KIF1B: variants seen among roughly 807,000 people sequenced by gnomAD.
KIF1B encodes the protein kinesin-like protein KIF1B.
KIF1B carries 76 observed loss-of-function variants against 241.9 expected under a neutral mutation model. The ratio of observed to expected loss-of-function variants is 0.31; its 90% CI spans 0.26 to 0.38. The LOEUF is 0.38. Among genes scored for constraint, KIF1B ranks in the 10% least tolerant of loss-of-function variants. The pLI is 1.00. For synonymous variants in KIF1B, 750 were observed against 796.7 expected (o/e 0.94, Z 0.99); for missense variants, 1,622 against 2,271.4 (o/e 0.71, Z 5.81).
chr1:10,352,841 T>A, intron 38 of KIF1B, 105 bp downstream of exon 38: 1 of 790,820 alleles, frequency 1.3e-6, no homozygotes, highest in African/African-American at 1.7e-5. Flanking sequence ...ACAAAGAAAT[T>A]AACTCCCTTC....
intron 1 of KIF1B, among the ~76,000 whole-genome samples, chr1:10,219,627 G>A (rs567088844): frequency 6.6e-6 from 1 of 151,510 alleles, no homozygotes; most frequent in South Asian, 2.1e-4. Flanking sequence ...GTGTGGTGGT[G>A]CATGCCTGTA....
Position 10,273,734 on chromosome 1 carries a change from A to C in KIF1B, c.882+703A>C, listed in dbSNP as rs1418969233. ...CAAAAAAAAAAAAAAAAAAAAAAAA[A>C]AAAAACCCAACAAACACCACAAGAC... On this transcript the variant is annotated intron_variant, in intron 10 of 48. Transcript: ENST00000676179. Among the ~76,000 whole-genome samples the C allele has an allele frequency of 1.6e-3, 139 of 88,222 alleles. 2 individuals are homozygous for C. The highest frequency in any genetic ancestry group is 4.0e-3 in the African/African-American group (131 of 33,016). The allele number at this position is 88,222 out of a possible 152,430, so 57.9% of individuals were successfully genotyped here. A position where few individuals can be genotyped will look rare whatever the true frequency, so the allele number is the denominator to read the frequency against.
chr1:10,342,102 T>G lies in KIF1B; in HGVS notation c.3566T>G (p.Ile1189Ser). The change falls in exon 33 of 49, where the codon ATT becomes AGT. Residue 1189 changes from isoleucine to serine, a missense_variant. Ile to Ser is a moderately radical substitution (Grantham distance 142, BLOSUM62 -2). This residue lies in a region of KIF1B where 803 missense variants were observed against 1,112.0 expected (regional missense o/e 0.72). Transcript: ENST00000676179. ...GTGGATTACATCAAAACCAAGCCTA[T>G]TGTATTTGAAGTCTTTGGGCATTAT... The part of the protein sequence containing the change: ...SFVDYIKTKP[I>S]VFEVFGHYQQ... The G allele has an allele frequency of 6.2e-7, 1 of 1,614,018 alleles. No homozygotes were observed. The highest frequency in any genetic ancestry group is 8.5e-7 in the Non-Finnish European group (1 of 1,179,862).
chr1:10,343,388 T>C (rs1652472486), intron 34 of KIF1B, 101 bp downstream of exon 34: 1 of 1,078,976 alleles, frequency 9.3e-7, no homozygotes, highest in South Asian at 1.3e-5. Flanking sequence ...TTCCTATTCT[T>C]CTATATATCC....
rs762423160 is a variant in KIF1B at position 10,326,108 on chromosome 1, T to C, written c.2676-3T>C. The C allele has an allele frequency of 8.1e-6, 13 of 1,613,984 alleles. No individual in the cohort carries two copies. Among genetic ancestry groups the C allele is most frequent in the Admixed American group, 1.7e-5 (1 of 59,992 alleles). ...GTTAATTGGCGTCTTACCTGGTGTC[T>C]AGCTCCCCCATTTTCCACGGCTGTG... On this transcript the variant is annotated splice_region_variant and splice_polypyrimidine_tract_variant and intron_variant, in intron 26 of 48. Coordinates refer to ENST00000676179, the MANE Select transcript of KIF1B (RefSeq NM_001365951.3). The surrounding 1 kb of genome is among the most constrained non-coding windows in gnomAD (Gnocchi z 5.2).
chr1:10,347,097 C>G (rs1652616842), intron 35 of KIF1B, among the ~76,000 whole-genome samples: 2 of 152,188 alleles, frequency 1.3e-5, no homozygotes, highest in African/African-American at 4.8e-5. Context: ...ATAATCATCT[C>G]TAAAATGCTT....
chr1:10,291,211 G>T (rs552824467), intron 16 of KIF1B, 50 bp downstream of exon 16: 1 of 1,230,308 alleles, frequency 8.1e-7, no homozygotes, highest in South Asian at 1.2e-5. Context: ...AGGGGATGTG[G>T]ATTACTTTAT....
At position 10,365,371 on chromosome 1, in the gene KIF1B, C is replaced by A. The variant is rs567870021; in HGVS notation, c.4513-38C>A. Reference sequence around the variant, plus strand: ...TTTTCTCTCCTGAGGTCTTAACGAGCTTTGTGTTTGCTATAGCAGTAGTAT... The same window carrying A: ...TTTTCTCTCCTGAGGTCTTAACGAGATTTGTGTTTGCTATAGCAGTAGTAT... On this transcript the variant is annotated intron_variant, in intron 42 of 48. Coordinates refer to ENST00000676179, the MANE Select transcript of KIF1B (RefSeq NM_001365951.3). The surrounding 1 kb of genome is among the most constrained non-coding windows in gnomAD (Gnocchi z 4.0). The A allele has an allele frequency of 9.9e-6, 16 of 1,614,048 alleles. No individual in the cohort carries two copies. The South Asian group carries it at 1.8e-4, about 18-fold the overall frequency.
intron 5 of KIF1B, among the ~76,000 whole-genome samples, chr1:10,264,012 CT>C (rs1448490233): frequency 6.6e-6 from 1 of 152,178 alleles, no homozygotes; most frequent in Non-Finnish European, 1.5e-5. Context: ...GTCATTTTGA[CT>C]AAGTTTCTCA....
chr1:10,364,732 C>T (rs1241911947), intron 41 of KIF1B, among the ~76,000 whole-genome samples: 3 of 151,952 alleles, frequency 2.0e-5, no homozygotes, highest in Non-Finnish European at 2.9e-5. Context: ...CGTGGCCAGG[C>T]GCGGTGGCTC....
intron 37 of KIF1B, among the ~76,000 whole-genome samples, 164 bp from the exon 38 acceptor site, chr1:10,352,467 G>A (rs1033284847): frequency 3.3e-5 from 5 of 152,224 alleles, no homozygotes; most frequent in African/African-American, 1.2e-4. Flanking sequence ...TTAACTCAAT[G>A]TGGGAAGTAA....
At chr1:10,313,067 GTTTT>G (rs767857493) in intron 22 of KIF1B, among the ~76,000 whole-genome samples, 1 of 150,950 alleles carries the variant, frequency 6.6e-6, no homozygotes, top group Non-Finnish European at 1.5e-5. Flanking sequence ...GTTTTGTTTT[GTTTT>G]TTGTTTTTTT....
At chr1:10,306,124 C>T (rs1178059313) in intron 22 of KIF1B, 1 of 1,040,554 alleles carries the variant, frequency 9.6e-7, no homozygotes, top group Non-Finnish European at 1.2e-6. Flanking sequence ...AAAATACTTT[C>T]TTAATGCTCA....
rs1651724607 is a variant in KIF1B, at chr1:10,326,375, G to C, written c.2924+16G>C. The C allele has an allele frequency of 1.2e-6, 2 of 1,614,054 alleles. No homozygotes were observed. The highest frequency in any genetic ancestry group is 1.7e-6 in the Non-Finnish European group (2 of 1,180,032). On this transcript the variant is annotated intron_variant, in intron 27 of 48. Transcript: ENST00000676179. The surrounding 1 kb of genome is among the most constrained non-coding windows in gnomAD (Gnocchi z 5.2). ...TAGTGGGAAGGTTGGTGAGGTTATTGTGAGAAAGGCGAAAAGGGACCAGCT... is the reference window on the plus strand; with the variant it reads ...TAGTGGGAAGGTTGGTGAGGTTATTCTGAGAAAGGCGAAAAGGGACCAGCT...
chr1:10,336,550 C>A, intron 28 of KIF1B, 107 bp from the exon 29 acceptor site: 1 of 865,950 alleles, frequency 1.2e-6, no homozygotes, highest in Non-Finnish European at 2.0e-6. Flanking sequence ...ACTTTGGTAT[C>A]ATTCTCTCAT....
intron 2 of KIF1B, among the ~76,000 whole-genome samples, chr1:10,239,187 C>G (rs953028322): frequency 3.3e-5 from 5 of 152,156 alleles, no homozygotes; most frequent in Admixed American, 2.6e-4. Flanking sequence ...CTCTTGGGCT[C>G]AAGTGATCTG....
intron 22 of KIF1B, among the ~76,000 whole-genome samples, chr1:10,300,253 AAT>A (rs1339374344): frequency 1.3e-5 from 2 of 148,348 alleles, no homozygotes; most frequent in Admixed American, 6.8e-5. Context: ...TAATAATAAT[AAT>A]AATAATAATA....
Position 10,296,935 on chromosome 1 carries a change from T to C in KIF1B, c.1900T>C (p.Phe634Leu). 6.2e-7 allele frequency: 1 copy of C among 1,614,122 alleles called. No homozygotes were observed. Among genetic ancestry groups the C allele is most frequent in the Non-Finnish European group, 8.5e-7 (1 of 1,180,006 alleles). ...CATGGGTAAAAACCATGTTTTCCGCTTTAACCACCCGGAACAAGCACGAGC... is the reference window on the plus strand; with the variant it reads ...CATGGGTAAAAACCATGTTTTCCGCCTTAACCACCCGGAACAAGCACGAGC... ...IIMGKNHVFR[F>L]NHPEQARAER... Residue 634 changes from phenylalanine to leucine, a missense_variant, in exon 21 of 49, where the codon TTT (phenylalanine) becomes CTT (leucine). Physicochemically the swap from Phe to Leu is conservative, Grantham distance 22. This residue lies in a region of KIF1B where 803 missense variants were observed against 1,112.0 expected (regional missense o/e 0.72). Transcript: ENST00000676179.
chr1:10,337,676 C>A lies in KIF1B; in HGVS notation c.3422+143C>A. 1.0e-6 allele frequency: 1 copy of A among 964,018 alleles called. No homozygotes were observed. 59.7% of individuals were successfully genotyped at this position (964,018 alleles called of 1,614,324 possible). ...AGTCTCTGAAGGAAAATACTTTCAT[C>A]ACTCCTATGGGAGTGAGAACCAGAA... On this transcript the variant is annotated intron_variant, in intron 31 of 48. Coordinates refer to ENST00000676179, the MANE Select transcript of KIF1B (RefSeq NM_001365951.3). The surrounding 1 kb of genome is among the most constrained non-coding windows in gnomAD (Gnocchi z 4.0).
Sources: gnomAD v4.1 joint callset for allele counts (sites outside exome capture counted in the v4.1 genomes callset) on GRCh38, gnomAD v4.1.1 for gene constraint, gnomAD v4.1.1 regional missense constraint, Gnocchi (gnomAD v3.1) non-coding constraint, MANE v1.5 for transcripts, NCBI Gene and HGNC (gene_info 2026-07-23, HGNC 2026-07-21) for gene names.